The following NSUN6 variants were observed in gnomAD, a reference collection of about 807,000 sequenced individuals.
NSUN6 encodes the protein tRNA (cytosine(72)-C(5))-methyltransferase NSUN6.
A neutral mutation model predicts 58.0 loss-of-function variants in NSUN6; 64 were observed. The ratio of observed to expected loss-of-function variants is 1.10; its 90% confidence interval spans 0.90 to 1.36. NSUN6 has a LOEUF of 1.36. Ranked by LOEUF, NSUN6 falls within the 40% of genes most tolerant of loss-of-function variation. The probability of loss-of-function intolerance (pLI) is 0.00; values close to 1 mark genes in which losing one functional copy is unlikely to be tolerated. For missense variants in NSUN6, 701 were observed against 550.1 expected, an observed-to-expected ratio of 1.27 and a Z score of -2.74; for synonymous variants, 231 against 193.9, an observed-to-expected ratio of 1.19 and a Z score of -1.59.
chr10:18,559,528 C>T (rs550999972), intron 8 of NSUN6, among the ~76,000 whole-genome samples: 3 of 134,092 alleles, frequency 2.2e-5, no homozygotes, highest in African/African-American at 5.7e-5. Flanking sequence ...TGGAATGGAA[C>T]AGAATGGAGA....
intron 9 of NSUN6, 117 bp downstream of exon 9, chr10:18,551,706 G>T: frequency 1.3e-6 from 1 of 766,688 alleles, no homozygotes; most frequent in South Asian, 1.9e-5. Flanking sequence ...CAGACTCTTG[G>T]GTTGTTCCCA....
At position 18,561,418 on chromosome 10, in the gene NSUN6, G is replaced by A. The variant is rs1449352360; in HGVS notation, c.923-9447C>T. Among the ~76,000 whole-genome samples the A allele has an allele frequency of 4.4e-5, 4 of 90,428 alleles. 1 individual carries two copies. Among genetic ancestry groups the A allele is most frequent in the Non-Finnish European group, 7.0e-5 (3 of 42,600 alleles). The allele number at this position is 90,428 out of a possible 152,430, so 59.3% of individuals were successfully genotyped here. Reference sequence around the variant, plus strand: ...ATGGAATGGAATGCAGAATGGAATGGAGGATGGTATGGAAAATGGAATGGA... The same window carrying A: ...ATGGAATGGAATGCAGAATGGAATGAAGGATGGTATGGAAAATGGAATGGA... On this transcript the variant is annotated intron_variant, in intron 8 of 10. Coordinates refer to ENST00000377304, the MANE Select transcript of NSUN6 (RefSeq NM_182543.5).
At position 18,596,213 on chromosome 10, in the gene NSUN6, C is replaced by T. The variant is rs1264076953; in HGVS notation, c.772G>A (p.Asp258Asn). ...TGCTGTGAAGACAGTCTCACCTGATCATGCATTAGTGCTGCAATGTGTGTT... is the reference window on the plus strand; with the variant it reads ...TGCTGTGAAGACAGTCTCACCTGATTATGCATTAGTGCTGCAATGTGTGTT... ...KTTHIAALMHDQGEVIALDKI... is the reference protein window; with the variant it reads ...KTTHIAALMHNQGEVIALDKI... The change falls in exon 7 of 11, where the codon GAT (aspartate) becomes AAT (asparagine). Residue 258 changes from aspartate to asparagine, a missense_variant. Asp to Asn is a conservative substitution (Grantham distance 23, BLOSUM62 1). Transcript: ENST00000377304. The T allele has an allele frequency of 6.2e-7, 1 of 1,611,020 alleles. No individual in the cohort carries two copies. The highest frequency in any genetic ancestry group is 1.7e-4 in the Middle Eastern group (1 of 6,050).
intron 3 of NSUN6, among the ~76,000 whole-genome samples, chr10:18,618,194 G>C (rs889726002): frequency 7.2e-5 from 11 of 152,074 alleles, no homozygotes; most frequent in African/African-American, 2.7e-4. Context: ...TTTTACCACT[G>C]GTTTCAGATT....
intron 6 of NSUN6, among the ~76,000 whole-genome samples, chr10:18,599,282 G>T (rs189321603): frequency 2.0e-5 from 3 of 152,220 alleles, no homozygotes; most frequent in African/African-American, 7.2e-5. Context: ...CATTGAGATG[G>T]GGTTGCAGTA....
chr10:18,634,136 C>A (rs1424601520), intron 3 of NSUN6, among the ~76,000 whole-genome samples: 12 of 152,070 alleles, frequency 7.9e-5, no homozygotes, highest in Admixed American at 7.9e-4. Context: ...ACACAAAAAG[C>A]AGAAGGCAGA....
chr10:18,600,972 ATATATG>A lies in NSUN6; in HGVS notation c.658-4651_658-4646del, dbSNP rs1262715983. On this transcript the variant is annotated intron_variant, in intron 6 of 10. Coordinates refer to ENST00000377304, the MANE Select transcript of NSUN6 (RefSeq NM_182543.5). ...TATATATATATATACATATATATAT[ATATATG>A]TATATATATATATATTATATACTAG... is the stretch of plus-strand genomic sequence containing the variant. 1.6e-4 allele frequency among the ~76,000 whole-genome samples: 18 copies of A among 113,896 alleles called. No individual in the cohort carries two copies. The East Asian group carries it at 2.0e-3, about 13-fold the overall frequency. The allele number at this position is 113,896 out of a possible 152,430, so 74.7% of individuals were successfully genotyped here. A position where few individuals can be genotyped will look rare whatever the true frequency, so the allele number is the denominator to read the frequency against.
chr10:18,630,654 G>C (rs1340532856), intron 3 of NSUN6, among the ~76,000 whole-genome samples: 1 of 152,154 alleles, frequency 6.6e-6, no homozygotes, highest in Non-Finnish European at 1.5e-5. Context: ...AGAAAATCTA[G>C]AAGAAATGGA....
At chr10:18,578,067 T>C (rs1564749659) in intron 8 of NSUN6, among the ~76,000 whole-genome samples, 1 of 152,150 alleles carries the variant, frequency 6.6e-6, no homozygotes, top group East Asian at 1.9e-4. Context: ...AAATTGTATA[T>C]TCGAGTGCTA....
chr10:18,576,873 C>T (rs1174847481), intron 8 of NSUN6, among the ~76,000 whole-genome samples: 1 of 152,138 alleles, frequency 6.6e-6, no homozygotes, highest in South Asian at 2.1e-4. Context: ...TTCACCCTGG[C>T]ATTTCATCAA....
intron 6 of NSUN6, among the ~76,000 whole-genome samples, chr10:18,608,051 A>G (rs2058103123): frequency 1.3e-5 from 2 of 152,218 alleles, no homozygotes; most frequent in African/African-American, 2.4e-5. Flanking sequence ...CTGGCCATCA[A>G]AATAGATTAC....
intron 6 of NSUN6, among the ~76,000 whole-genome samples, chr10:18,601,696 A>C (rs899380834): frequency 6.6e-6 from 1 of 152,134 alleles, no homozygotes; most frequent in African/African-American, 2.4e-5. Context: ...TATAAAAGGA[A>C]ATAAGGCTGG....
chr10:18,595,284 C>T (rs2057541714), intron 7 of NSUN6, among the ~76,000 whole-genome samples: 2 of 152,164 alleles, frequency 1.3e-5, no homozygotes, highest in South Asian at 4.1e-4. Flanking sequence ...ATAAAACCAA[C>T]AGAAAACTGA....
At chr10:18,636,963 C>CTT (rs34797299) in intron 3 of NSUN6, among the ~76,000 whole-genome samples, 2 of 124,808 alleles carry the variant, frequency 1.6e-5, no homozygotes, top group Non-Finnish European at 3.3e-5. Context: ...AAGGAATTGA[C>CTT]TTTTTTTTTT....
chr10:18,581,590 G>T (rs994087177), intron 8 of NSUN6, among the ~76,000 whole-genome samples: 1 of 152,140 alleles, frequency 6.6e-6, no homozygotes, highest in Non-Finnish European at 1.5e-5. Context: ...ACTTTGGGAG[G>T]CCGAGGTGGG....
rs1247097035 is a variant in NSUN6 at position 18,630,099 on chromosome 10, C to G, written c.311+12377G>C. On this transcript the variant is annotated intron_variant, in intron 3 of 10. Coordinates refer to ENST00000377304, the MANE Select transcript of NSUN6 (RefSeq NM_182543.5). Reference sequence around the variant, plus strand: ...CAAACTAGAACTCAGGATTAAGAACCTCACTCAAAACTGCTCAGCTACATG... The same window carrying G: ...CAAACTAGAACTCAGGATTAAGAACGTCACTCAAAACTGCTCAGCTACATG... Among the ~76,000 whole-genome samples, 4 of 140,620 alleles carry G rather than the reference C, an allele frequency of 2.8e-5. No individual in the cohort carries two copies. In the Admixed American group the frequency reaches 2.9e-4, roughly 10 times the overall value. 92.3% of individuals were successfully genotyped at this position (140,620 alleles called of 152,430 possible). A position where few individuals can be genotyped will look rare whatever the true frequency, so the allele number is the denominator to read the frequency against.
chr10:18,620,594 G>A (rs1052955702), intron 3 of NSUN6, among the ~76,000 whole-genome samples: 5 of 152,106 alleles, frequency 3.3e-5, no homozygotes, highest in African/African-American at 1.2e-4. Flanking sequence ...CCTTCTCTCT[G>A]CCTAGCATAA....
chr10:18,624,126 T>G (rs1408126674), intron 3 of NSUN6, among the ~76,000 whole-genome samples: 3 of 151,288 alleles, frequency 2.0e-5, no homozygotes, highest in African/African-American at 7.3e-5. Context: ...TTCAGAGAAA[T>G]TAAAGGAAAA....
At chr10:18,652,850 C>A (rs908849728), upstream of NSUN6, 38 of 968,584 alleles carry the variant, frequency 3.9e-5, no homozygotes, top group Middle Eastern at 5.2e-4. Flanking sequence ...TGAGCCACCA[C>A]GCCCAGCCCA....
Sources: allele counts gnomAD v4.1 joint callset (sites outside exome capture counted in the v4.1 genomes callset), GRCh38; gene constraint gnomAD v4.1.1; transcripts MANE v1.5; gene names NCBI Gene and HGNC (gene_info 2026-07-23, HGNC 2026-07-21).